The following PDE4D variants were observed in gnomAD, a reference collection of about 807,000 sequenced individuals.
PDE4D encodes 3',5'-cyclic-AMP phosphodiesterase 4D.
In PDE4D, 24 loss-of-function variants were observed where a neutral mutation model predicts 87.4. That is an observed-to-expected ratio of 0.27 (90% CI 0.20 to 0.39). The LOEUF is 0.39. Ranked by LOEUF, PDE4D falls within the 10% of genes least tolerant of loss-of-function variation. The pLI is 1.00. For missense variants in PDE4D, 714 were observed against 1,041.0 expected, an observed-to-expected ratio of 0.69 and a Z score of 4.32; for synonymous variants, 384 against 383.2, an observed-to-expected ratio of 1.00 and a Z score of -0.02.
intron 1 of PDE4D, among the ~76,000 whole-genome samples, chr5:60,449,801 G>A (rs1015985981): frequency 3.4e-5 from 5 of 149,174 alleles, no homozygotes; most frequent in Non-Finnish European, 5.9e-5. Context: ...ACCCAGTGAC[G>A]GGATGGCTGC....
At chr5:60,269,316 C>CA (rs1354733793) in intron 1 of PDE4D, among the ~76,000 whole-genome samples, 2 of 152,062 alleles carry the variant, frequency 1.3e-5, no homozygotes, top group East Asian at 3.9e-4. Context: ...CAAAAAAATA[C>CA]AAAAAACAAC....
chr5:59,872,127 T>C (rs56256302), intron 1 of PDE4D, among the ~76,000 whole-genome samples: 2,210 of 152,182 alleles, frequency 0.015, 30 homozygotes, highest in Non-Finnish European at 0.023. Flanking sequence ...TTGGCGACGA[T>C]GGGAGAAGAA....
intron 1 of PDE4D, among the ~76,000 whole-genome samples, chr5:59,672,795 G>A (rs573267421): frequency 4.6e-5 from 7 of 152,094 alleles, no homozygotes; most frequent in Non-Finnish European, 1.0e-4. Context: ...AAGATAAAGG[G>A]AAGGATGTTA....
At chr5:60,415,661 C>G (rs1433244502) in intron 1 of PDE4D, among the ~76,000 whole-genome samples, 1 of 152,208 alleles carries the variant, frequency 6.6e-6, no homozygotes, top group Non-Finnish European at 1.5e-5. Context: ...GGGCAGGGCT[C>G]GGGACCTGCA....
intron 1 of PDE4D, among the ~76,000 whole-genome samples, chr5:59,791,677 T>G (rs1765808227): frequency 6.6e-6 from 1 of 152,048 alleles, no homozygotes; most frequent in South Asian, 2.1e-4. Context: ...CCTGTAAGGG[T>G]TAAAAATAAA....
chr5:58,981,645 T>C (rs1442974758), intron 11 of PDE4D, among the ~76,000 whole-genome samples: 3 of 152,136 alleles, frequency 2.0e-5, no homozygotes, highest in African/African-American at 7.2e-5. Flanking sequence ...ACTGGTCATA[T>C]GGTCATAGCT....
chr5:59,548,408 C>T (rs887674398), intron 1 of PDE4D, among the ~76,000 whole-genome samples: 8 of 152,126 alleles, frequency 5.3e-5, no homozygotes, highest in Non-Finnish European at 5.9e-5. Flanking sequence ...TTCATTCCTT[C>T]GCTCATTCAT....
At chr5:59,400,067 C>A (rs1428057166) in intron 1 of PDE4D, among the ~76,000 whole-genome samples, 1 of 113,954 alleles carries the variant, frequency 8.8e-6, no homozygotes, top group East Asian at 2.8e-4. Flanking sequence ...GGCAATCATT[C>A]AAAAGTCAGG....
At chr5:59,180,513 ATTGGTG>A (rs2153478004) in intron 5 of PDE4D, 76 bp downstream of exon 5, 1 of 1,036,102 alleles carries the variant, frequency 9.7e-7, no homozygotes, top group African/African-American at 1.6e-5. Flanking sequence ...GCAGCATGAA[ATTGGTG>A]TTGGTGTTAT....
At chr5:59,341,912 C>A (rs893361009) in intron 1 of PDE4D, among the ~76,000 whole-genome samples, 1 of 152,062 alleles carries the variant, frequency 6.6e-6, no homozygotes, top group Non-Finnish European at 1.5e-5. Context: ...CTATGCCAGG[C>A]GCTAGTTTAA....
chr5:59,693,278 C>A (rs1474292372), intron 1 of PDE4D, among the ~76,000 whole-genome samples: 1 of 151,818 alleles, frequency 6.6e-6, no homozygotes, highest in African/African-American at 2.4e-5. Context: ...TAAAATAAAC[C>A]AATAAAACAT....
chr5:60,030,466 A>G (rs891870998), intron 2 of PDE4D, among the ~76,000 whole-genome samples: 2 of 152,238 alleles, frequency 1.3e-5, no homozygotes, highest in African/African-American at 4.8e-5. Context: ...CAAAAAACAA[A>G]AAAACAAAAA....
chr5:58,974,555 C>T lies in PDE4D; in HGVS notation c.*109G>A, dbSNP rs1467633802. The T allele has an allele frequency of 9.4e-6, 10 of 1,064,526 alleles. No homozygotes were observed. Among genetic ancestry groups the T allele is most frequent in the Middle Eastern group, 4.2e-4 (2 of 4,710 alleles). The allele number at this position is 1,064,526 out of a possible 1,614,324, so 65.9% of individuals were successfully genotyped here. The stretch of plus-strand genomic sequence containing the variant: ...GTCAAGGTCAGTTTTGTTCAACAAA[C>T]GTCCTGGCAGATGACAGTGAGGTGT... On this transcript the variant is annotated 3_prime_UTR_variant, in exon 15 of 15. Transcript: ENST00000340635.
intron 1 of PDE4D, among the ~76,000 whole-genome samples, chr5:60,343,129 A>G (rs1323524192): frequency 6.6e-6 from 1 of 152,194 alleles, no homozygotes; most frequent in African/African-American, 2.4e-5. Flanking sequence ...GTTAACTTCC[A>G]AGGGTCATTT....
chr5:59,597,190 T>G (rs1826820003), intron 1 of PDE4D, among the ~76,000 whole-genome samples: 1 of 152,160 alleles, frequency 6.6e-6, no homozygotes, highest in South Asian at 2.1e-4. Flanking sequence ...TAAGAAACCT[T>G]ATGTTGCTAT....
chr5:59,978,212 A>T (rs887949538), intron 3 of PDE4D, among the ~76,000 whole-genome samples: 4 of 152,208 alleles, frequency 2.6e-5, no homozygotes, highest in Non-Finnish European at 5.9e-5. Context: ...TCGCTATGAT[A>T]GACACTTATT....
intron 1 of PDE4D, among the ~76,000 whole-genome samples, chr5:60,309,158 A>T (rs1019068899): frequency 3.3e-5 from 5 of 152,154 alleles, no homozygotes; most frequent in Admixed American, 2.0e-4. Context: ...TCTAATACTC[A>T]AATCAATAAA....
chr5:60,050,428 C>T (rs542891065), intron 2 of PDE4D, among the ~76,000 whole-genome samples: 114 of 152,328 alleles, frequency 7.5e-4, no homozygotes, highest in African/African-American at 2.6e-3. Context: ...TCATATCCAG[C>T]CAAACTAAGC....
At chr5:59,808,750 G>T (rs1768015508) in intron 1 of PDE4D, among the ~76,000 whole-genome samples, 1 of 152,106 alleles carries the variant, frequency 6.6e-6, no homozygotes, top group East Asian at 1.9e-4. Context: ...GACTGATTAT[G>T]AATATAACCC....
Sources: gnomAD v4.1 joint callset for allele counts (sites outside exome capture counted in the v4.1 genomes callset) on GRCh38, gnomAD v4.1.1 for gene constraint, MANE v1.5 for transcripts, NCBI Gene and HGNC (gene_info 2026-07-23, HGNC 2026-07-21) for gene names.